Variants in TP53BP2 observed in about 807,000 individuals in gnomAD.
TP53BP2 encodes apoptosis-stimulating of p53 protein 2.
Under a neutral mutation model 126.2 loss-of-function variants are expected in TP53BP2, and 62 were observed. The observed-to-expected ratio is 0.49, with a 90% CI of 0.40 to 0.61. The LOEUF (loss-of-function observed/expected upper bound fraction) is 0.61. Among genes scored for constraint, TP53BP2 ranks in the 20% least tolerant of loss-of-function variants. The pLI is 0.00. For missense variants in TP53BP2, 1,215 were observed against 1,402.8 expected, an observed-to-expected ratio of 0.87 and a Z score of 2.14; for synonymous variants, 485 against 502.9, an observed-to-expected ratio of 0.96 and a Z score of 0.48.
chr1:223,796,187 A>G lies in TP53BP2; in HGVS notation c.2352T>C (p.Thr784=). The change falls in exon 13 of 18, where the codon ACT becomes ACC. Residue 784 remains threonine (T), a synonymous_variant. Coordinates refer to ENST00000343537, the MANE Select transcript of TP53BP2 (RefSeq NM_001031685.3). This position sits in a 1 kb window ranked among gnomAD's most constrained non-coding sequence, Gnocchi z 4.2. ...TTTCTACTGGGCTTTCTGAGCTGGC[A>G]GTCACAGAAGCTGACTTGGATGGGT... ...PSYPSKSASV[T]ASSESPVEIQ... is the part of the protein sequence containing the mutation. 6.2e-7 allele frequency: 1 copy of G among 1,614,196 alleles called. No individual in the cohort carries two copies. The highest frequency in any genetic ancestry group is 8.5e-7 in the Non-Finnish European group (1 of 1,180,034).
intron 1 of TP53BP2, among the ~76,000 whole-genome samples, chr1:223,824,649 G>A (rs1663425578): frequency 6.6e-6 from 1 of 151,928 alleles, no homozygotes; most frequent in African/African-American, 2.4e-5. Context: ...TCCTGCACCT[G>A]TATCCCAGAA....
intron 3 of TP53BP2, among the ~76,000 whole-genome samples, chr1:223,813,974 G>A (rs976527150): frequency 6.6e-6 from 1 of 152,066 alleles, no homozygotes; most frequent in African/African-American, 2.4e-5. Flanking sequence ...TTCTGCCTCA[G>A]GGCTGTGGAA....
intron 13 of TP53BP2, among the ~76,000 whole-genome samples, chr1:223,793,986 C>T (rs199930314): frequency 1.3e-5 from 2 of 152,120 alleles, no homozygotes; most frequent in Admixed American, 6.5e-5. Flanking sequence ...AGAGCTGGGA[C>T]GCAAATCCAG....
chr1:223,786,610 A>AT (rs35631028), intron 16 of TP53BP2, among the ~76,000 whole-genome samples: 9 of 87,358 alleles, frequency 1.0e-4, no homozygotes, highest in Admixed American at 7.3e-4. Context: ...GTGTGTGTAT[A>AT]TTTTTTTTTC....
chr1:223,817,743 T>C (rs1346184396), intron 2 of TP53BP2, among the ~76,000 whole-genome samples: 5 of 151,876 alleles, frequency 3.3e-5, no homozygotes, highest in Admixed American at 6.6e-5. Flanking sequence ...CTGGCCAACA[T>C]GGTGAAACTC....
In TP53BP2 at chr1:223,803,465, G is replaced by A; in HGVS notation, c.650-13C>T. The A allele has an allele frequency of 6.3e-7, 1 of 1,591,338 alleles. No homozygotes were observed. The highest frequency in any genetic ancestry group is 8.6e-7 in the Non-Finnish European group (1 of 1,167,282). ...TCAATTTCCTCCACTAGATGAGACA[G>A]AGAACAGCAACAACAGTTGAAAAGA... is the stretch of plus-strand genomic sequence containing the variant. On this transcript the variant is annotated splice_polypyrimidine_tract_variant and intron_variant, in intron 6 of 17. Transcript: ENST00000343537.
At chr1:223,815,659 A>G (rs1208773595) in intron 2 of TP53BP2, among the ~76,000 whole-genome samples, 2 of 152,228 alleles carry the variant, frequency 1.3e-5, no homozygotes, top group African/African-American at 4.8e-5. Flanking sequence ...AGGCCTGCAT[A>G]AGCTGAAACA....
At chr1:223,819,223 C>T (rs1021809761) in intron 2 of TP53BP2, among the ~76,000 whole-genome samples, 1 of 151,024 alleles carries the variant, frequency 6.6e-6, no homozygotes, top group African/African-American at 2.4e-5. Flanking sequence ...AAATCCTTTA[C>T]ATGTCATCAT....
At chr1:223,788,955 T>A in intron 16 of TP53BP2, 53 bp downstream of exon 16, 3 of 1,562,008 alleles carry the variant, frequency 1.9e-6, no homozygotes, top group South Asian at 1.1e-5. Flanking sequence ...ACCCTGGAGA[T>A]ACAGAATAAA....
chr1:223,783,180 A>C (rs892157944), intron 17 of TP53BP2, among the ~76,000 whole-genome samples: 1 of 152,208 alleles, frequency 6.6e-6, no homozygotes, highest in African/African-American at 2.4e-5. Flanking sequence ...CCAAGAATAC[A>C]TCTACCATTT....
chr1:223,796,007 TG>T lies in TP53BP2; in HGVS notation c.2531del (p.Pro844GlnfsTer50). 6.2e-7 allele frequency: 1 copy of T among 1,614,064 alleles called. No individual in the cohort carries two copies. Among genetic ancestry groups the T allele is most frequent in the Non-Finnish European group, 8.5e-7 (1 of 1,179,966 alleles). On this transcript the variant is annotated frameshift_variant, in exon 13 of 18. Coordinates refer to ENST00000343537, the MANE Select transcript of TP53BP2 (RefSeq NM_001031685.3). LOFTEE classifies it high-confidence loss of function. The surrounding 1 kb of genome is among the most constrained non-coding windows in gnomAD (Gnocchi z 4.2). ...TATTCTGGAGATTTGGGCTGTTGTC[TG>T]GGACTCCCTCAGGCTCATAATCAAG... ...PGLDYEPEGV[P>X]DNSPNLQNNP...
In TP53BP2 at chr1:223,803,310, A is replaced by G; in HGVS notation, c.792T>C (p.Ser264=). The stretch of plus-strand genomic sequence containing the variant: ...AGAGGCGATCAAGCTCAGCCACTGC[A>G]GACTGATTGTCATGGTGGCTGTCGA... The part of the protein sequence containing the change: ...GRIDSHHDNQ[S]AVAELDRLYK... The change falls in exon 7 of 18, where the codon TCT becomes TCC. Residue 264 remains serine, a synonymous_variant. Coordinates refer to ENST00000343537, the MANE Select transcript of TP53BP2 (RefSeq NM_001031685.3). 1 of 1,613,412 alleles carries G rather than the reference A, an allele frequency of 6.2e-7. No individual in the cohort carries two copies. The highest frequency in any genetic ancestry group is 8.5e-7 in the Non-Finnish European group (1 of 1,179,810).
At chr1:223,831,902 T>C (rs1467642859) in intron 1 of TP53BP2, among the ~76,000 whole-genome samples, 1 of 151,950 alleles carries the variant, frequency 6.6e-6, no homozygotes, top group Non-Finnish European at 1.5e-5. Context: ...TTAAAAACAA[T>C]GGGTCATAGA....
Position 223,799,938 on chromosome 1 carries a change from C to T in TP53BP2, c.1446G>A (p.Arg482=). 1 of 1,610,882 alleles carries T rather than the reference C, an allele frequency of 6.2e-7. No individual in the cohort carries two copies. The highest frequency in any genetic ancestry group is 8.5e-7 in the Non-Finnish European group (1 of 1,179,048). ...AGATATCTTCACTGCTCTGGTTCTT[C>T]CTCAGAGTACCAAAGGAAGGTGGGG... is the stretch of plus-strand genomic sequence containing the variant. ...SNAPPSFGTL[R]KNQSSEDILR... The change falls in exon 11 of 18, where the codon AGG becomes AGA. Residue 482 remains arginine (R), a synonymous_variant. Coordinates refer to ENST00000343537, the MANE Select transcript of TP53BP2 (RefSeq NM_001031685.3).
chr1:223,831,528 T>A (rs1423248782), intron 1 of TP53BP2, among the ~76,000 whole-genome samples: 1 of 121,188 alleles, frequency 8.3e-6, no homozygotes, highest in Non-Finnish European at 1.7e-5. Context: ...CTGACCTGTA[T>A]GAAATACACA....
rs993212192 is a variant in TP53BP2 at position 223,790,268 on chromosome 1, T to A, written c.2997-1094A>T. On this transcript the variant is annotated intron_variant, in intron 15 of 17. Coordinates refer to ENST00000343537, the MANE Select transcript of TP53BP2 (RefSeq NM_001031685.3). ...CTCTGTCTCAAAAAAATTTTTATTT[T>A]TTTTTTGGCCAGGCGCAGTGACTCA... 3.3e-5 allele frequency among the ~76,000 whole-genome samples: 5 copies of A among 149,974 alleles called. No individual in the cohort carries two copies. In the East Asian group the frequency reaches 9.9e-4, roughly 30 times the overall value.
intron 16 of TP53BP2, among the ~76,000 whole-genome samples, chr1:223,784,792 A>G (rs1394333162): frequency 1.3e-5 from 2 of 152,244 alleles, no homozygotes; most frequent in African/African-American, 4.8e-5. Flanking sequence ...AATGGTCTCT[A>G]TGAATTTCCG....
intron 15 of TP53BP2, among the ~76,000 whole-genome samples, chr1:223,791,773 T>C (rs1239494801): frequency 6.6e-6 from 1 of 152,196 alleles, no homozygotes; most frequent in Non-Finnish European, 1.5e-5. Context: ...AACTTAAAAC[T>C]TTCTTTTTTA....
chr1:223,831,507 A>G, intron 1 of TP53BP2, among the ~76,000 whole-genome samples: 1 of 136,362 alleles, frequency 7.3e-6, no homozygotes, highest in African/African-American at 2.9e-5. Context: ...ATATATATAT[A>G]TATATATATA....
Sources: allele counts gnomAD v4.1 joint callset (sites outside exome capture counted in the v4.1 genomes callset), GRCh38; gene constraint gnomAD v4.1.1; non-coding constraint Gnocchi (gnomAD v3.1); transcripts MANE v1.5; gene names NCBI Gene and HGNC (gene_info 2026-07-23, HGNC 2026-07-21).